The following ESCO1 variants were observed in gnomAD, a reference collection of about 807,000 sequenced individuals.
ESCO1 encodes N-acetyltransferase ESCO1.
In ESCO1, 33 loss-of-function variants were observed where a neutral mutation model predicts 83.5. The ratio of observed to expected loss-of-function variants is 0.40; its 90% CI spans 0.30 to 0.53. ESCO1 has a LOEUF of 0.53. Among genes scored for constraint, ESCO1 ranks in the 20% least tolerant of loss-of-function variants. The probability of loss-of-function intolerance (pLI) is 0.63; values close to 1 mark genes in which losing one functional copy is unlikely to be tolerated. For missense variants in ESCO1, 855 were observed against 968.0 expected (o/e 0.88, Z 1.55); for synonymous variants, 332 against 324.3 (o/e 1.02, Z -0.25).
At chr18:21,591,088 T>C (rs2038661074) in intron 1 of ESCO1, among the ~76,000 whole-genome samples, 1 of 152,182 alleles carries the variant, frequency 6.6e-6, no homozygotes, top group South Asian at 2.1e-4. Context: ...TGTATCTTAT[T>C]TGGGGAAAAA....
chr18:21,582,825 C>T (rs2038520925), intron 2 of ESCO1, among the ~76,000 whole-genome samples: 1 of 152,214 alleles, frequency 6.6e-6, no homozygotes, highest in Admixed American at 6.5e-5. Context: ...AGGTACCTTA[C>T]ATTACTACAA....
At chr18:21,582,960 G>T (rs2038523256) in intron 2 of ESCO1, among the ~76,000 whole-genome samples, 1 of 152,212 alleles carries the variant, frequency 6.6e-6, no homozygotes, top group Admixed American at 6.5e-5. Context: ...GGGGGGCCAA[G>T]GTGTGCGAAT....
chr18:21,573,946 G>C lies in ESCO1; in HGVS notation c.898C>G (p.Arg300Gly). 1 of 1,613,786 alleles carries C rather than the reference G, an allele frequency of 6.2e-7. No homozygotes were observed. Among genetic ancestry groups the C allele is most frequent in the Non-Finnish European group, 8.5e-7 (1 of 1,180,012 alleles). The change falls in exon 4 of 12, where the codon CGA becomes GGA. Residue 300 changes from arginine (R) to glycine (G), a missense_variant. By Grantham distance (125) the Arg-to-Gly change is moderately radical. This residue lies in a region of ESCO1 where 726 missense variants were observed against 699.5 expected (regional missense o/e 1.04). Transcript: ENST00000269214. ...NELEQAGKSK[R>G]GSILQLCEEI... ...TCACAGAGCTGGAGAATACTACCTC[G>C]TTTGCTCTTTCCTGCTTGCTCCAGC...
chr18:21,599,504 G>A (rs1237550388), intron 1 of ESCO1, among the ~76,000 whole-genome samples: 2 of 152,204 alleles, frequency 1.3e-5, no homozygotes, highest in Non-Finnish European at 2.9e-5. Flanking sequence ...AAAAGCCAAT[G>A]CTGGTGGGGG....
intron 1 of ESCO1, among the ~76,000 whole-genome samples, chr18:21,600,079 G>C (rs2038820666): frequency 6.6e-6 from 1 of 152,210 alleles, no homozygotes; most frequent in Non-Finnish European, 1.5e-5. Flanking sequence ...GTAAAACCAA[G>C]ACCCCACATC....
At chr18:21,577,361 T>TAAA (rs1555671990) in intron 2 of ESCO1, among the ~76,000 whole-genome samples, 18 of 52,946 alleles carry the variant, frequency 3.4e-4, no homozygotes, top group African/African-American at 9.2e-4. Flanking sequence ...CCATCTTTTT[T>TAAA]AAAAAAAAAA....
intron 1 of ESCO1, among the ~76,000 whole-genome samples, chr18:21,595,767 TC>T (rs1024065690): frequency 3.1e-4 from 46 of 149,440 alleles, no homozygotes; most frequent in African/African-American, 1.1e-3. Flanking sequence ...ATCGAGACCA[TC>T]CTGGCTAACA....
At chr18:21,564,412 A>G in intron 6 of ESCO1, 95 bp from the exon 7 acceptor site, 1 of 837,118 alleles carries the variant, frequency 1.2e-6, no homozygotes, top group Non-Finnish European at 1.8e-6. Flanking sequence ...TTTTTTTGAG[A>G]CGAAGTCTCA....
At chr18:21,597,104 T>C (rs981704269) in intron 1 of ESCO1, 1 of 152,222 alleles carries the variant, frequency 6.6e-6, no homozygotes, top group Non-Finnish European at 1.5e-5. Context: ...TTTCAGATTC[T>C]ACATCACAAC....
chr18:21,592,606 A>AC (rs1176001660), intron 1 of ESCO1, among the ~76,000 whole-genome samples: 23 of 107,932 alleles, frequency 2.1e-4, no homozygotes, highest in Middle Eastern at 0.014. Flanking sequence ...CGGGAGGCTG[A>AC]CCCCCCCACC....
At chr18:21,594,733 A>G (rs886995801) in intron 1 of ESCO1, among the ~76,000 whole-genome samples, 1 of 152,088 alleles carries the variant, frequency 6.6e-6, no homozygotes, top group Non-Finnish European at 1.5e-5. Flanking sequence ...TTATCTTCTG[A>G]AAATTATCTA....
chr18:21,558,901 C>T (rs2038147500), intron 8 of ESCO1, among the ~76,000 whole-genome samples: 1 of 152,092 alleles, frequency 6.6e-6, no homozygotes, highest in Non-Finnish European at 1.5e-5. Context: ...CACCAACAGA[C>T]AAACCTAACA....
chr18:21,540,251 A>C (rs764149329), intron 8 of ESCO1, among the ~76,000 whole-genome samples: 1 of 152,176 alleles, frequency 6.6e-6, no homozygotes, highest in Admixed American at 6.6e-5. Flanking sequence ...ATCTAATACC[A>C]CAAGAGTATT....
At chr18:21,538,287 TAAAA>T (rs34369531) in intron 9 of ESCO1, among the ~76,000 whole-genome samples, 6 of 124,738 alleles carry the variant, frequency 4.8e-5, no homozygotes, top group Non-Finnish European at 3.4e-5. Context: ...CCCTGTCTCT[TAAAA>T]AAAAAAAAAA....
At chr18:21,567,545 T>C (rs1418161296) in intron 5 of ESCO1, among the ~76,000 whole-genome samples, 2 of 152,054 alleles carry the variant, frequency 1.3e-5, no homozygotes, top group Non-Finnish European at 2.9e-5. Flanking sequence ...AGTGGACAAT[T>C]TGCAGCATTT....
chr18:21,576,684 T>G (rs2570958), intron 2 of ESCO1, among the ~76,000 whole-genome samples: 75,332 of 151,892 alleles, frequency 0.5, 21,604 homozygotes, highest in Non-Finnish European at 0.65. Flanking sequence ...GAAGATCTAT[T>G]TATACCCGAG....
chr18:21,545,568 G>A (rs1305769217), intron 8 of ESCO1, among the ~76,000 whole-genome samples: 3 of 145,100 alleles, frequency 2.1e-5, no homozygotes, highest in Non-Finnish European at 3.0e-5. Context: ...GCAAGACACC[G>A]TCTCAAAAAA....
At chr18:21,583,337 T>TA (rs1400294802) in intron 2 of ESCO1, among the ~76,000 whole-genome samples, 1 of 148,810 alleles carries the variant, frequency 6.7e-6, no homozygotes, top group Admixed American at 6.7e-5. Flanking sequence ...AAGGCACTAA[T>TA]AAAAAAAAGA....
chr18:21,561,324 C>T (rs2038183021), intron 7 of ESCO1, among the ~76,000 whole-genome samples: 1 of 152,198 alleles, frequency 6.6e-6, no homozygotes, highest in African/African-American at 2.4e-5. Flanking sequence ...AATAATTATA[C>T]TACTAGTGTG....
Sources: allele counts gnomAD v4.1 joint callset (sites outside exome capture counted in the v4.1 genomes callset), GRCh38; gene constraint gnomAD v4.1.1; regional missense constraint gnomAD v4.1.1; transcripts MANE v1.5; gene names NCBI Gene and HGNC (gene_info 2026-07-23, HGNC 2026-07-21).